MYT1: variants seen among roughly 807,000 people sequenced by gnomAD.
MYT1 encodes the protein myelin transcription factor I.
Under a neutral mutation model 123.0 loss-of-function variants are expected in MYT1, and 23 were observed. That is an observed-to-expected ratio of 0.19 (90% CI 0.13 to 0.26). MYT1 has a LOEUF of 0.26. Ranked by LOEUF, MYT1 falls within the 10% of genes least tolerant of loss-of-function variation. The probability of loss-of-function intolerance (pLI) is 1.00; values close to 1 mark genes in which losing one functional copy is unlikely to be tolerated. For synonymous variants in MYT1, 518 were observed against 575.3 expected (o/e 0.90, Z 1.43); for missense variants, 1,125 against 1,472.5 (o/e 0.76, Z 3.86).
chr20:64,228,581 C>T (rs904848752), intron 18 of MYT1, among the ~76,000 whole-genome samples: 48 of 152,016 alleles, frequency 3.2e-4, no homozygotes, highest in African/African-American at 1.1e-3. Context: ...GGTGGGGGCT[C>T]GTGTGTCTTT....
At chr20:64,173,466 C>G (rs1569304586) in intron 1 of MYT1, among the ~76,000 whole-genome samples, 1 of 149,582 alleles carries the variant, frequency 6.7e-6, no homozygotes, top group Non-Finnish European at 1.5e-5. Context: ...CCCTCCCTGA[C>G]TTCTCCTCCT....
At chr20:64,219,680 A>G (rs1433346502) in intron 12 of MYT1, 33 bp from the exon 13 acceptor site, 1 of 1,568,302 alleles carries the variant, frequency 6.4e-7, no homozygotes, top group Admixed American at 1.7e-5. Context: ...GAAGGGATGG[A>G]ATCGCTAACA....
rs367605580 is a variant in MYT1, at chr20:64,205,811, G to A, written c.397+11G>A. 17 of 1,611,856 alleles carry A rather than the reference G, an allele frequency of 1.1e-5. No homozygotes were observed. In the African/African-American group the frequency reaches 1.2e-4, roughly 11 times the overall value. ...CCGAGACAGCTGAAGGTGCTTTGTCGCTCTTTCTTCCCCGAATAAAGGGCG... is the reference window on the plus strand; with the variant it reads ...CCGAGACAGCTGAAGGTGCTTTGTCACTCTTTCTTCCCCGAATAAAGGGCG... On this transcript the variant is annotated intron_variant, in intron 6 of 22. Coordinates refer to ENST00000328439, the MANE Select transcript of MYT1 (RefSeq NM_004535.3).
In MYT1 at chr20:64,167,701, G is replaced by A. The variant is rs1982123975; in HGVS notation, c.-99+2962G>A. Among the ~76,000 whole-genome samples the A allele has an allele frequency of 2.0e-5, 3 of 152,328 alleles. No homozygotes were observed. Among genetic ancestry groups the A allele is most frequent in the African/African-American group, 4.8e-5 (2 of 41,568 alleles). On this transcript the variant is annotated intron_variant, in intron 1 of 22. Transcript: ENST00000328439. This position sits in a 1 kb window ranked among gnomAD's most constrained non-coding sequence, Gnocchi z 6.3. ...GGCGGGAGAGTGGAGCAGGGTGCCC[G>A]CAGGGGCTGGGGGGGCTCTTCTCTT...
At position 64,240,366 on chromosome 20, in the gene MYT1, C is replaced by A. The variant is rs752120799; in HGVS notation, c.3284C>A (p.Thr1095Asn). The change falls in exon 23 of 23, where the codon ACC (threonine) becomes AAC (asparagine). Residue 1095 changes from threonine to asparagine, a missense_variant. This residue lies in a region of MYT1 where 243 missense variants were observed against 323.1 expected (regional missense o/e 0.75). Transcript: ENST00000328439. The stretch of plus-strand genomic sequence containing the variant: ...TTCGATGCCTATGTGAGCACCCTCA[C>A]CGACATGTACTCCAACCAGGACCCG... ...QNFDAYVSTL[T>N]DMYSNQDPEN... The A allele has an allele frequency of 6.2e-7, 1 of 1,614,096 alleles. No individual in the cohort carries two copies. The highest frequency in any genetic ancestry group is 1.7e-5 in the Admixed American group (1 of 60,024).
At chr20:64,171,672 TGG>T (rs1199654196) in intron 1 of MYT1, among the ~76,000 whole-genome samples, 13 of 147,352 alleles carry the variant, frequency 8.8e-5, no homozygotes, top group Admixed American at 6.7e-5. Context: ...CTCTGGCATC[TGG>T]AGGAACCCAA....
intron 16 of MYT1, among the ~76,000 whole-genome samples, chr20:64,223,719 A>G (rs1331072026): frequency 7.9e-5 from 12 of 152,158 alleles, no homozygotes; most frequent in Admixed American, 7.2e-4. Context: ...GGAAAAGCCC[A>G]GAACCGACCA....
rs1478857609 is a variant in MYT1, at chr20:64,193,551, A to G, written c.-1+3391A>G. 1.3e-5 allele frequency among the ~76,000 whole-genome samples: 2 copies of G among 152,146 alleles called. No homozygotes were observed. Among genetic ancestry groups the G allele is most frequent in the African/African-American group, 2.4e-5 (1 of 41,442 alleles). ...ATGAGAGAAGAAAACAGGCCAGACC[A>G]TGGCTCTGTCTTTCTCCCCTCCCCT... On this transcript the variant is annotated intron_variant, in intron 2 of 22. Transcript: ENST00000328439. This position sits in a 1 kb window ranked among gnomAD's most constrained non-coding sequence, Gnocchi z 4.0.
At position 64,236,662 on chromosome 20, in the gene MYT1, T is replaced by C. The variant is rs1007571874; in HGVS notation, c.2989+16T>C. On this transcript the variant is annotated intron_variant, in intron 20 of 22. Coordinates refer to ENST00000328439, the MANE Select transcript of MYT1 (RefSeq NM_004535.3). ...ACTAGCGACGGTAAGGATGGCTTCC[T>C]GGATTTCCCTGCTCATGGCTGGGTG... The C allele has an allele frequency of 6.2e-7, 1 of 1,605,224 alleles. No homozygotes were observed. Among genetic ancestry groups the C allele is most frequent in the African/African-American group, 1.3e-5 (1 of 74,740 alleles).
chr20:64,233,213 C>T (rs1163717934), intron 19 of MYT1, among the ~76,000 whole-genome samples: 3 of 98,056 alleles, frequency 3.1e-5, no homozygotes, highest in Non-Finnish European at 6.3e-5. Flanking sequence ...TCCCCTATCC[C>T]TCCCCCTTTC....
In MYT1 at chr20:64,189,236, C is replaced by T. The variant is rs552294642; in HGVS notation, c.-98-827C>T. On this transcript the variant is annotated intron_variant, in intron 1 of 22. Transcript: ENST00000328439. The surrounding 1 kb of genome is among the most constrained non-coding windows in gnomAD (Gnocchi z 5.5). ...TCCAAGGCAAAGCCAGGGCCCAACA[C>T]GAGAATATTCATTTCCTGTTTCATT... Among the ~76,000 whole-genome samples, 22 of 152,232 alleles carry T rather than the reference C, an allele frequency of 1.4e-4. No individual in the cohort carries two copies. The highest frequency in any genetic ancestry group is 4.1e-4 in the African/African-American group (17 of 41,456).
chr20:64,237,207 GA>G, intron 20 of MYT1, 79 bp from the exon 21 acceptor site: 1 of 1,184,540 alleles, frequency 8.4e-7, no homozygotes, highest in East Asian at 2.4e-5. Flanking sequence ...TTCAGTTCTA[GA>G]AAGCAGGCTT....
Position 64,200,022 on chromosome 20 carries a change from C to T in MYT1, c.86+100C>T, listed in dbSNP as rs542453881. On this transcript the variant is annotated intron_variant, in intron 4 of 22. Coordinates refer to ENST00000328439, the MANE Select transcript of MYT1 (RefSeq NM_004535.3). Reference sequence around the variant, plus strand: ...ACGGGGTCTTCTTGGATTGACCAAACACCCCTGGTGAGCCCCTGCTTTCCC... The same window carrying T: ...ACGGGGTCTTCTTGGATTGACCAAATACCCCTGGTGAGCCCCTGCTTTCCC... 25 of 1,408,814 alleles carry T rather than the reference C, an allele frequency of 1.8e-5. No individual in the cohort carries two copies. In the African/African-American group the frequency reaches 2.4e-4, roughly 14 times the overall value. The allele number at this position is 1,408,814 out of a possible 1,614,324, so 87.3% of individuals were successfully genotyped here.
Position 64,213,603 on chromosome 20 carries a change from A to G in MYT1, c.1587A>G (p.Thr529=), listed in dbSNP as rs1456865510. The G allele has an allele frequency of 3.1e-6, 5 of 1,614,054 alleles. No individual in the cohort carries two copies. Among genetic ancestry groups the G allele is most frequent in the African/African-American group, 1.3e-5 (1 of 74,934 alleles). The change falls in exon 10 of 23, where the codon ACA becomes ACG. Residue 529 remains threonine (T), a synonymous_variant. Coordinates refer to ENST00000328439, the MANE Select transcript of MYT1 (RefSeq NM_004535.3). This position sits in a 1 kb window ranked among gnomAD's most constrained non-coding sequence, Gnocchi z 5.6. ...CCCATGAGAAGCAGCAGCCGCAGAC[A>G]GGAGATCCTTCCAAGAGTAGCTCCA... is the stretch of plus-strand genomic sequence containing the variant. ...AKSHEKQQPQ[T]GDPSKSSSNS...
At chr20:64,180,952 A>AT (rs964998578) in intron 1 of MYT1, among the ~76,000 whole-genome samples, 1 of 152,050 alleles carries the variant, frequency 6.6e-6, no homozygotes, top group Non-Finnish European at 1.5e-5. Context: ...GCATATCTGG[A>AT]TTTTTTTATT....
rs1178182699 is a variant in MYT1, at chr20:64,232,361, A to G, written c.2873A>G (p.Asn958Ser). ...GGCTGTGACGGCTCTGGCCACGCCAATGGGAGTTTCCTCACCCACCGGAGG... is the reference window on the plus strand; with the variant it reads ...GGCTGTGACGGCTCTGGCCACGCCAGTGGGAGTTTCCTCACCCACCGGAGG... Reference protein sequence around the residue: ...TPGCDGSGHANGSFLTHRSLS... With the variant: ...TPGCDGSGHASGSFLTHRSLS... The change falls in exon 19 of 23, where the codon AAT becomes AGT. Residue 958 changes from asparagine to serine, a missense_variant. Asn to Ser is a conservative substitution (Grantham distance 46). Around this residue, in one of 4 missense-constraint regions of MYT1, gnomAD observed 243 missense variants for 323.1 expected, o/e 0.75. Coordinates refer to ENST00000328439, the MANE Select transcript of MYT1 (RefSeq NM_004535.3). The surrounding 1 kb of genome is among the most constrained non-coding windows in gnomAD (Gnocchi z 6.9). The G allele has an allele frequency of 6.2e-6, 10 of 1,612,992 alleles. No individual in the cohort carries two copies. Among genetic ancestry groups the G allele is most frequent in the South Asian group, 1.1e-5 (1 of 91,078 alleles).
rs1054104922 is a variant in MYT1, at chr20:64,168,772, G to A, written c.-99+4033G>A. Among the ~76,000 whole-genome samples the A allele has an allele frequency of 6.6e-6, 1 of 152,228 alleles. No homozygotes were observed. The highest frequency in any genetic ancestry group is 1.9e-4 in the East Asian group (1 of 5,194). On this transcript the variant is annotated intron_variant, in intron 1 of 22. Transcript: ENST00000328439. This position sits in a 1 kb window ranked among gnomAD's most constrained non-coding sequence, Gnocchi z 6.1. Reference sequence around the variant, plus strand: ...TGGGAGCACGGCCTGTGCCAGGAGGGTGCAGGTTGGATGGTCCTCAGGAAG... The same window carrying A: ...TGGGAGCACGGCCTGTGCCAGGAGGATGCAGGTTGGATGGTCCTCAGGAAG...
intron 6 of MYT1, among the ~76,000 whole-genome samples, chr20:64,206,533 T>C (rs552554905): frequency 2.0e-5 from 3 of 151,984 alleles, no homozygotes; most frequent in Admixed American, 2.0e-4. Context: ...AGGCCCAAGG[T>C]CCACTCCCCC....
At chr20:64,171,290 T>C (rs1982271736) in intron 1 of MYT1, among the ~76,000 whole-genome samples, 1 of 152,176 alleles carries the variant, frequency 6.6e-6, no homozygotes, top group Non-Finnish European at 1.5e-5. Flanking sequence ...CGGTAAGTCC[T>C]GTAAGGAGTC....
Sources: gnomAD v4.1 joint callset for allele counts (sites outside exome capture counted in the v4.1 genomes callset) on GRCh38, gnomAD v4.1.1 for gene constraint, gnomAD v4.1.1 regional missense constraint, Gnocchi (gnomAD v3.1) non-coding constraint, MANE v1.5 for transcripts, NCBI Gene and HGNC (gene_info 2026-07-23, HGNC 2026-07-21) for gene names.